The following ZFYVE16 variants were observed in gnomAD, a reference collection of about 807,000 sequenced individuals.
The protein encoded by ZFYVE16 is zinc finger FYVE domain-containing protein 16.
Under a neutral mutation model 138.1 loss-of-function variants are expected in ZFYVE16, and 89 were observed. The observed-to-expected ratio is 0.64, with a 90% CI of 0.54 to 0.77. The LOEUF is 0.77. ZFYVE16 is among the 30% of genes least tolerant of loss of function. ZFYVE16 has a pLI of 0.00. For missense variants in ZFYVE16, 1,793 were observed against 1,786.7 expected (o/e 1.00, Z -0.06); for synonymous variants, 596 against 618.3 (o/e 0.96, Z 0.53).
Position 80,450,558 on chromosome 5 carries a change from T to C in ZFYVE16, c.3354T>C (p.Phe1118=). ...DTIPKDIFRL[F]ITIYKDALKG... ...TTCCTAAGGACATCTTCAGACTATTTATCACCATATATAAGGATGCTCTAA... is the reference window on the plus strand; with the variant it reads ...TTCCTAAGGACATCTTCAGACTATTCATCACCATATATAAGGATGCTCTAA... Residue 1118 remains phenylalanine, a synonymous_variant, in exon 10 of 19, where the codon TTT becomes TTC. Coordinates refer to ENST00000505560, the MANE Select transcript of ZFYVE16 (RefSeq NM_001284236.3). The C allele has an allele frequency of 1.2e-6, 2 of 1,613,558 alleles. No homozygotes were observed. Among genetic ancestry groups the C allele is most frequent in the Non-Finnish European group, 1.7e-6 (2 of 1,179,724 alleles).
chr5:80,412,231 T>TA (rs1469955809), intron 1 of ZFYVE16, among the ~76,000 whole-genome samples: 1 of 152,232 alleles, frequency 6.6e-6, no homozygotes, highest in Non-Finnish European at 1.5e-5. Context: ...TCTTCCATGT[T>TA]ACTGCCAATT....
chr5:80,423,628 C>T (rs1169646006), intron 1 of ZFYVE16, among the ~76,000 whole-genome samples: 2 of 152,120 alleles, frequency 1.3e-5, no homozygotes, highest in African/African-American at 4.8e-5. Flanking sequence ...CTCCACCTCC[C>T]AGGTTCACGC....
At chr5:80,444,553 G>C (rs1751088295) in intron 6 of ZFYVE16, among the ~76,000 whole-genome samples, 1 of 150,436 alleles carries the variant, frequency 6.6e-6, no homozygotes, top group Admixed American at 6.6e-5. Flanking sequence ...CTGATATCTA[G>C]TTATTTCCTT....
intron 1 of ZFYVE16, among the ~76,000 whole-genome samples, chr5:80,413,095 G>C (rs1435075005): frequency 6.6e-6 from 1 of 152,162 alleles, no homozygotes; most frequent in Non-Finnish European, 1.5e-5. Context: ...AGGATCGCTT[G>C]AGCCCAGCAC....
At chr5:80,417,593 A>G in intron 1 of ZFYVE16, among the ~76,000 whole-genome samples, 1 of 152,322 alleles carries the variant, frequency 6.6e-6, no homozygotes, top group East Asian at 1.9e-4. Context: ...TGTAGTATGT[A>G]AATTCTTTCA....
In ZFYVE16 at chr5:80,479,329, A is replaced by C. The variant is rs1332311776; in HGVS notation, c.*1952A>C. 1 of 152,210 alleles carries C rather than the reference A, an allele frequency of 6.6e-6. No homozygotes were observed. The highest frequency in any genetic ancestry group is 1.5e-5 in the Non-Finnish European group (1 of 68,030). 9.4% of individuals were successfully genotyped at this position (152,210 alleles called of 1,614,324 possible). ...TTCTCTGAATTTTGAAATATGAAGT[A>C]AAATCTAGCCCATTTGTTTTATGCA... On this transcript the variant is annotated 3_prime_UTR_variant, in exon 19 of 19. Transcript: ENST00000505560.
Position 80,473,693 on chromosome 5 carries a change from TAATTC to T in ZFYVE16, c.4188-59_4188-55del. ...CCTCATTCCATTTGTTCAAATCTAA[TAATTC>T]ATTTCAAAAACACATTGGTGCTAAT... On this transcript the variant is annotated intron_variant, in intron 16 of 18. Coordinates refer to ENST00000505560, the MANE Select transcript of ZFYVE16 (RefSeq NM_001284236.3). 2.5e-6 allele frequency: 3 copies of T among 1,223,038 alleles called. No homozygotes were observed. In the South Asian group the frequency reaches 4.5e-5, roughly 18 times the overall value. 75.8% of individuals were successfully genotyped at this position (1,223,038 alleles called of 1,614,324 possible).
chr5:80,470,090 T>G (rs1754176135), intron 15 of ZFYVE16, among the ~76,000 whole-genome samples: 1 of 66,578 alleles, frequency 1.5e-5, no homozygotes. Context: ...TGTGTGTGTG[T>G]GTGTGTGTGT....
Position 80,448,360 on chromosome 5 carries a change from A to G in ZFYVE16, c.3059A>G (p.Asp1020Gly). ...ATTAGTCTTCTACCTAATGATGAGG[A>G]CAGTTTGCCCCCACTTCTGGTTGCA... Reference protein sequence around the residue: ...NKISLLPNDEDSLPPLLVASG... With the variant: ...NKISLLPNDEGSLPPLLVASG... Residue 1020 changes from aspartate to glycine, a missense_variant, in exon 8 of 19, where the codon GAC (aspartate) becomes GGC (glycine). Transcript: ENST00000505560. 1 of 1,584,122 alleles carries G rather than the reference A, an allele frequency of 6.3e-7. No individual in the cohort carries two copies. Among genetic ancestry groups the G allele is most frequent in the Non-Finnish European group, 8.6e-7 (1 of 1,166,624 alleles).
chr5:80,420,278 T>A (rs1030677089), intron 1 of ZFYVE16, among the ~76,000 whole-genome samples: 1 of 151,832 alleles, frequency 6.6e-6, no homozygotes, highest in Non-Finnish European at 1.5e-5. Flanking sequence ...AGCTAATTTT[T>A]ATTTTTATTA....
In ZFYVE16 at chr5:80,466,599, T is replaced by A. The variant is rs374963240; in HGVS notation, c.4025-6162T>A. Among the ~76,000 whole-genome samples, 59 of 152,342 alleles carry A rather than the reference T, an allele frequency of 3.9e-4. 2 individuals are homozygous for A. The East Asian group carries it at 0.011, about 28-fold the overall frequency. ...TAGTAAGTGTAATGTCTTTGTTTCC[T>A]TAGGGACAGTCCCTGTTACTTGCTT... On this transcript the variant is annotated intron_variant, in intron 15 of 18. Coordinates refer to ENST00000505560, the MANE Select transcript of ZFYVE16 (RefSeq NM_001284236.3).
chr5:80,408,324 C>G (rs1345535731), intron 1 of ZFYVE16, among the ~76,000 whole-genome samples, 171 bp downstream of exon 1: 1 of 152,234 alleles, frequency 6.6e-6, no homozygotes, highest in Non-Finnish European at 1.5e-5. Context: ...CGGAGCTGGC[C>G]GGGGAACCCT....
At position 80,456,983 on chromosome 5, in the gene ZFYVE16, T is replaced by C. The variant is rs1006013696; in HGVS notation, c.3834T>C (p.Ile1278=). The part of the protein sequence containing the change: ...KVLNSSNEHV[I]SIGASFSTEA... ...TAAATTCTTCCAATGAGCATGTCATTAGCATTGGAGCAAGTTTCAGTACAG... is the reference window on the plus strand; with the variant it reads ...TAAATTCTTCCAATGAGCATGTCATCAGCATTGGAGCAAGTTTCAGTACAG... The change falls in exon 14 of 19, where the codon ATT becomes ATC. Residue 1278 remains isoleucine (I), a synonymous_variant. Coordinates refer to ENST00000505560, the MANE Select transcript of ZFYVE16 (RefSeq NM_001284236.3). The C allele has an allele frequency of 1.9e-6, 3 of 1,608,380 alleles. No homozygotes were observed. The highest frequency in any genetic ancestry group is 2.5e-6 in the Non-Finnish European group (3 of 1,178,596).
chr5:80,442,927 A>G (rs1467507824), intron 5 of ZFYVE16, 196 bp from the exon 6 acceptor site: 2 of 512,894 alleles, frequency 3.9e-6, no homozygotes, highest in Non-Finnish European at 6.7e-6. Flanking sequence ...TAGCTTATCA[A>G]AGTGGCATGC....
intron 2 of ZFYVE16, among the ~76,000 whole-genome samples, chr5:80,432,738 C>T (rs1233164401): frequency 1.3e-5 from 2 of 152,020 alleles, no homozygotes; most frequent in African/African-American, 4.8e-5. Context: ...AACAAATTTA[C>T]AAGAAAAAAA....
chr5:80,420,595 T>C (rs1473247290), intron 1 of ZFYVE16, among the ~76,000 whole-genome samples: 1 of 152,192 alleles, frequency 6.6e-6, no homozygotes, highest in East Asian at 1.9e-4. Context: ...GGTTTCCAGC[T>C]TCATCCATGT....
At chr5:80,451,402 T>C in intron 10 of ZFYVE16, 83 bp from the exon 11 acceptor site, 2 of 1,094,696 alleles carry the variant, frequency 1.8e-6, no homozygotes, top group Non-Finnish European at 2.6e-6. Context: ...ATCAGTTTTT[T>C]GGATTTTGGA....
At position 80,470,124 on chromosome 5, in the gene ZFYVE16, C is replaced by CG. The variant is rs1554052301; in HGVS notation, c.4025-2637_4025-2636insG. Among the ~76,000 whole-genome samples, 3 of 116,054 alleles carry CG rather than the reference C, an allele frequency of 2.6e-5. 1 individual carries two copies. Among genetic ancestry groups the CG allele is most frequent in the Admixed American group, 1.8e-4 (2 of 10,994 alleles). 76.1% of individuals were successfully genotyped at this position (116,054 alleles called of 152,430 possible). On this transcript the variant is annotated intron_variant, in intron 15 of 18. Coordinates refer to ENST00000505560, the MANE Select transcript of ZFYVE16 (RefSeq NM_001284236.3). The stretch of plus-strand genomic sequence containing the variant: ...GTATTTTTTTTTTTTTTTTTTGAGA[C>CG]AGAGTCTCACCCTTTCACCCAGGCT...
chr5:80,413,161 G>A (rs1745694966), intron 1 of ZFYVE16, among the ~76,000 whole-genome samples: 1 of 149,518 alleles, frequency 6.7e-6, no homozygotes, highest in Non-Finnish European at 1.5e-5. Context: ...GCGCAACAGA[G>A]TGAGACCCTG....
Sources: gnomAD v4.1 joint callset for allele counts (sites outside exome capture counted in the v4.1 genomes callset) on GRCh38, gnomAD v4.1.1 for gene constraint, MANE v1.5 for transcripts, NCBI Gene and HGNC (gene_info 2026-07-23, HGNC 2026-07-21) for gene names.